The following CTC1 variants were observed in gnomAD, a reference collection of about 807,000 sequenced individuals.
The protein encoded by CTC1 is CST complex subunit CTC1.
Under a neutral mutation model 136.3 loss-of-function variants are expected in CTC1, and 91 were observed. The observed-to-expected ratio is 0.67, with a 90% confidence interval of 0.56 to 0.79. The LOEUF (loss-of-function observed/expected upper bound fraction) is 0.79, where lower values mean the gene tolerates loss of function less well. CTC1 is among the 30% of genes least tolerant of loss of function. The pLI is 0.00. For synonymous variants in CTC1, 606 were observed against 613.8 expected (o/e 0.99, Z 0.19); for missense variants, 1,432 against 1,498.1 (o/e 0.96, Z 0.73).
intron 1 of CTC1, among the ~76,000 whole-genome samples, chr17:8,244,162 T>C (rs1988495419): frequency 6.6e-6 from 1 of 152,138 alleles, no homozygotes; most frequent in Non-Finnish European, 1.5e-5. Context: ...ATAGGCAGAG[T>C]ATAATTTTTA....
chr17:8,237,305 T>C (rs1987812793), intron 5 of CTC1, 70 bp downstream of exon 5: 1 of 1,568,774 alleles, frequency 6.4e-7, no homozygotes, highest in Non-Finnish European at 8.8e-7. Flanking sequence ...CCTCCTATGA[T>C]GCTATCTTTC....
chr17:8,231,207 A>G (rs1208399983), intron 15 of CTC1, 69 bp downstream of exon 15: 2 of 1,309,564 alleles, frequency 1.5e-6, no homozygotes, highest in African/African-American at 1.5e-5. Context: ...TGAAGTCTTC[A>G]CCAAACCCAG....
At chr17:8,229,050 T>C (rs922177667) in intron 20 of CTC1, 92 bp downstream of exon 20, 1 of 1,495,786 alleles carries the variant, frequency 6.7e-7, no homozygotes. Flanking sequence ...GCAATTCTCA[T>C]GAGCCAGGAA....
chr17:8,229,005 A>C (rs1176678354), intron 20 of CTC1, 113 bp from the exon 21 acceptor site: 1 of 1,476,660 alleles, frequency 6.8e-7, no homozygotes, highest in African/African-American at 1.4e-5. Flanking sequence ...CAGATTTAGG[A>C]GCTTACCCTC....
chr17:8,231,375 T>G lies in CTC1; in HGVS notation c.2570A>C (p.Asn857Thr). 1 of 1,613,092 alleles carries G rather than the reference T, an allele frequency of 6.2e-7. No homozygotes were observed. The highest frequency in any genetic ancestry group is 1.1e-5 in the South Asian group (1 of 91,046). ...GGAGCTTTCAAGCTCCAGAGTCCAGTTGTCCTGGACAGTGAGGCAGGATGC... is the reference window on the plus strand; with the variant it reads ...GGAGCTTTCAAGCTCCAGAGTCCAGGTGTCCTGGACAGTGAGGCAGGATGC... Reference protein sequence around the residue: ...GCASCLTVQDNWTLELESSQD... With the variant: ...GCASCLTVQDTWTLELESSQD... Residue 857 changes from asparagine to threonine, a missense_variant, in exon 15 of 23, where the codon AAC becomes ACC. Physicochemically the swap from Asn to Thr is moderately conservative, Grantham distance 65. Coordinates refer to ENST00000651323, the MANE Select transcript of CTC1 (RefSeq NM_025099.6).
intron 2 of CTC1, among the ~76,000 whole-genome samples, chr17:8,241,773 A>C (rs1282926602): frequency 6.8e-6 from 1 of 147,216 alleles, no homozygotes; most frequent in African/African-American, 2.5e-5. Flanking sequence ...GAATTGCTTG[A>C]GCCCAGGAGG....
At position 8,236,201 on chromosome 17, in the gene CTC1, G is replaced by A. The variant is rs1314341505; in HGVS notation, c.934C>T (p.Pro312Ser). 2 of 1,614,206 alleles carry A rather than the reference G, an allele frequency of 1.2e-6. No individual in the cohort carries two copies. The highest frequency in any genetic ancestry group is 1.7e-6 in the Non-Finnish European group (2 of 1,180,034). Residue 312 changes from proline (P) to serine (S), a missense_variant, in exon 6 of 23, where the codon CCA becomes TCA. Physicochemically the swap from Pro to Ser is moderately conservative, Grantham distance 74 (BLOSUM62 -1). Coordinates refer to ENST00000651323, the MANE Select transcript of CTC1 (RefSeq NM_025099.6). ...SQSSRLLLLKPECVQELELEL... is the reference protein window; with the variant it reads ...SQSSRLLLLKSECVQELELEL... ...AGTTCCAGCTCCTGCACACATTCTG[G>A]TTTCAGCAGCAACAGACGGGAGGAC...
rs764616648 is a variant in CTC1, at chr17:8,242,987, A to G, written c.195T>C (p.Tyr65=). Residue 65 remains tyrosine, a splice_region_variant and synonymous_variant, in exon 2 of 23, where the codon TAT becomes TAC. Coordinates refer to ENST00000651323, the MANE Select transcript of CTC1 (RefSeq NM_025099.6). ...RNQGSTLPLS[Y]SFVSVQDLKT... is the part of the protein sequence containing the mutation. ...CCGCAACCGCCACCTCTCCTTACCT[A>G]TAGCTGAGGGGCAGTGTAGAACCTT... The G allele has an allele frequency of 3.5e-5, 57 of 1,610,542 alleles. No individual in the cohort carries two copies. The highest frequency in any genetic ancestry group is 3.5e-4 in the Admixed American group (21 of 59,526).
intron 2 of CTC1, 84 bp from the exon 3 acceptor site, chr17:8,238,713 G>A (rs1987963845): frequency 1.0e-6 from 1 of 1,002,210 alleles, no homozygotes; most frequent in Non-Finnish European, 1.5e-6. Context: ...ACCCTCAAGA[G>A]CCCAGGGAAA....
chr17:8,247,866 G>T, intron 1 of CTC1, 138 bp downstream of exon 1: 1 of 798,920 alleles, frequency 1.3e-6, no homozygotes, highest in Non-Finnish European at 2.1e-6. Flanking sequence ...GGTAGGAGCG[G>T]ACCGACTCAC....
rs770041461 is a variant in CTC1, at chr17:8,236,314, G to A, written c.821C>T (p.Ala274Val). Residue 274 changes from alanine (A) to valine (V), a missense_variant, in exon 6 of 23, where the codon GCC (alanine) becomes GTC (valine). Ala to Val is a moderately conservative substitution (Grantham distance 64). Coordinates refer to ENST00000651323, the MANE Select transcript of CTC1 (RefSeq NM_025099.6). ...QVPAQLVWHR[A>V]LRPGTAYVLT... ...CACATAGGCTGTACCAGGCCGAAGG[G>A]CTCTGTGCCACACCAGCTGGGCAGG... is the stretch of plus-strand genomic sequence containing the variant. The A allele has an allele frequency of 1.2e-6, 2 of 1,609,954 alleles. No individual in the cohort carries two copies. The highest frequency in any genetic ancestry group is 1.7e-6 in the Non-Finnish European group (2 of 1,179,954).
intron 5 of CTC1, among the ~76,000 whole-genome samples, 188 bp from the exon 6 acceptor site, chr17:8,236,530 T>C (rs1987747407): frequency 6.6e-6 from 1 of 152,186 alleles, no homozygotes; most frequent in African/African-American, 2.4e-5. Flanking sequence ...ATGCCAAATA[T>C]TTCCAAACCA....
chr17:8,247,188 CT>C (rs1215578759), intron 1 of CTC1, among the ~76,000 whole-genome samples: 3 of 151,440 alleles, frequency 2.0e-5, no homozygotes, highest in Non-Finnish European at 4.4e-5. Flanking sequence ...AGGTACAAAA[CT>C]GTCAGCTCTG....
chr17:8,236,414 C>A, intron 5 of CTC1, 72 bp from the exon 6 acceptor site: 1 of 1,499,518 alleles, frequency 6.7e-7, no homozygotes, highest in Non-Finnish European at 8.9e-7. Flanking sequence ...GTCCTTTTCC[C>A]TCACGATTTG....
intron 15 of CTC1, chr17:8,230,968 C>T: frequency 4.2e-6 from 2 of 475,734 alleles, no homozygotes; most frequent in South Asian, 5.8e-5. Context: ...GAAACCCTGT[C>T]TCTACTAAAA....
intron 15 of CTC1, chr17:8,230,941 A>G: frequency 2.0e-6 from 1 of 489,654 alleles, no homozygotes. Flanking sequence ...ACTCAAGACC[A>G]GCCTGGCCAA....
Position 8,232,215 on chromosome 17 carries a change from C to G in CTC1, c.2073G>C (p.Gln691His). The G allele has an allele frequency of 6.5e-7, 1 of 1,528,808 alleles. No homozygotes were observed. Among genetic ancestry groups the G allele is most frequent in the East Asian group, 2.3e-5 (1 of 44,276 alleles). 94.7% of individuals were successfully genotyped at this position (1,528,808 alleles called of 1,614,324 possible). A position where few individuals can be genotyped will look rare whatever the true frequency, so the allele number is the denominator to read the frequency against. ...IQKQQARVYV[Q>H]FFLADALILP... is the part of the protein sequence containing the mutation. ...GGATCAGGGCATCAGCCAGAAAGAA[C>G]TGGACATAGACTCTGTTGGGAGAGA... Residue 691 changes from glutamine (Q) to histidine (H), a missense_variant, in exon 13 of 23, where the codon CAG becomes CAC. Transcript: ENST00000651323.
chr17:8,228,270 A>G lies in CTC1; in HGVS notation c.3564T>C (p.Thr1188=), dbSNP rs750119408. Reference sequence around the variant, plus strand: ...ACAATCGGAGCCTGGGGTTCACGTGAGTCAGGAAAGGGAGCTCTCCACACT... The same window carrying G: ...ACAATCGGAGCCTGGGGTTCACGTGGGTCAGGAAAGGGAGCTCTCCACACT... ...RFQCGELPFL[T]HVNPRLRLSC... The change falls in exon 23 of 23, where the codon ACT becomes ACC. Residue 1188 remains threonine, a synonymous_variant. Coordinates refer to ENST00000651323, the MANE Select transcript of CTC1 (RefSeq NM_025099.6). 6.8e-6 allele frequency: 11 copies of G among 1,614,112 alleles called. No individual in the cohort carries two copies. Among genetic ancestry groups the G allele is most frequent in the Non-Finnish European group, 8.5e-6 (10 of 1,180,008 alleles).
At chr17:8,243,188 G>A (rs550246776) in intron 1 of CTC1, 40 bp from the exon 2 acceptor site, 22 of 1,575,552 alleles carry the variant, frequency 1.4e-5, no homozygotes, top group South Asian at 9.2e-5. Flanking sequence ...TTGACTATCC[G>A]GCCCACCAAG....
Sources: gnomAD v4.1 joint callset for allele counts (sites outside exome capture counted in the v4.1 genomes callset) on GRCh38, gnomAD v4.1.1 for gene constraint, MANE v1.5 for transcripts, NCBI Gene and HGNC (gene_info 2026-07-23, HGNC 2026-07-21) for gene names.